The following COL4A4 variants were observed in gnomAD, a reference collection of about 807,000 sequenced individuals.
The protein encoded by COL4A4 is collagen alpha-4(IV) chain.
A neutral mutation model predicts 192.9 loss-of-function variants in COL4A4; 105 were observed. The ratio of observed to expected loss-of-function variants is 0.54; its 90% CI spans 0.46 to 0.64. COL4A4 has a LOEUF of 0.64. COL4A4 is among the 30% of genes least tolerant of loss of function. The probability of loss-of-function intolerance (pLI) is 0.00; values close to 1 mark genes in which losing one functional copy is unlikely to be tolerated. For missense variants in COL4A4, 1,967 were observed against 2,169.3 expected (o/e 0.91, Z 1.85); for synonymous variants, 762 against 769.9 (o/e 0.99, Z 0.17).
At chr2:227,068,765 G>C (rs1464994979) in intron 25 of COL4A4, among the ~76,000 whole-genome samples, 2 of 148,606 alleles carry the variant, frequency 1.3e-5, no homozygotes, top group African/African-American at 5.0e-5. Flanking sequence ...ATATCATACT[G>C]AATGGGCAAA....
the COL4A4 span, among the ~76,000 whole-genome samples, chr2:226,969,298 T>C: frequency 1.3e-5 from 2 of 151,722 alleles, no homozygotes; most frequent in Non-Finnish European, 2.9e-5. Context: ...TAGTTCCTAA[T>C]GGGCTAAAAG....
At chr2:227,144,196 A>G (rs141200187) in intron 3 of COL4A4, among the ~76,000 whole-genome samples, 1 of 152,350 alleles carries the variant, frequency 6.6e-6, no homozygotes, top group African/African-American at 2.4e-5. Context: ...CTTCTGAGCT[A>G]AAATGTTCAA....
At chr2:227,001,609 T>TAA (rs572689570), downstream of COL4A4, among the ~76,000 whole-genome samples, 253 of 152,290 alleles carry the variant, frequency 1.7e-3, 2 homozygotes, top group African/African-American at 5.7e-3. Context: ...GAGTAAAGGA[T>TAA]AAAAGTATTA....
At chr2:227,157,938 G>A (rs1255022296) in intron 1 of COL4A4, among the ~76,000 whole-genome samples, 1 of 151,950 alleles carries the variant, frequency 6.6e-6, no homozygotes, top group Non-Finnish European at 1.5e-5. Flanking sequence ...TACCAAAACT[G>A]ACAAAGATAT....
At chr2:227,077,490 G>C (rs1036620186) in intron 25 of COL4A4, among the ~76,000 whole-genome samples, 4 of 152,076 alleles carry the variant, frequency 2.6e-5, no homozygotes, top group Non-Finnish European at 5.9e-5. Flanking sequence ...ATCGAGACCT[G>C]TCAGGGGGTC....
chr2:227,022,518 T>C, intron 43 of COL4A4: 1 of 555,622 alleles, frequency 1.8e-6, no homozygotes, highest in Non-Finnish European at 3.6e-6. Context: ...TGGGCCATTT[T>C]TTACTGGAGT....
In COL4A4 at chr2:227,057,574, CT is replaced by C; in HGVS notation, c.2409del (p.Gly804ValfsTer65). 1 of 1,614,136 alleles carries C rather than the reference CT, an allele frequency of 6.2e-7. No individual in the cohort carries two copies. ...TCTCTGCCTTTGGGACCTTTGAGAC[CT>C]AGGAATCCAGGAATGCCAGCTGGCC... is the stretch of plus-strand genomic sequence containing the variant. ...AEGPAGIPGF[L>X]GLKGPKGREG... On this transcript the variant is annotated frameshift_variant, in exon 29 of 48. Coordinates refer to ENST00000396625, the MANE Select transcript of COL4A4 (RefSeq NM_000092.5). LOFTEE classifies it high-confidence loss of function.
At chr2:227,148,708 T>C (rs2063714231) in intron 1 of COL4A4, among the ~76,000 whole-genome samples, 1 of 152,110 alleles carries the variant, frequency 6.6e-6, no homozygotes, top group African/African-American at 2.4e-5. Flanking sequence ...AAGAAGTCTT[T>C]ACTTTGATAA....
Position 227,031,957 on chromosome 2 carries a change from C to T in COL4A4, c.3805G>A (p.Asp1269Asn). The change falls in exon 40 of 48, where the codon GAT (aspartate) becomes AAT (asparagine). Residue 1269 changes from aspartate to asparagine, a missense_variant. Asp to Asn is a conservative substitution (Grantham distance 23). Transcript: ENST00000396625. ...PPGDQGPPGP[D>N]GPRGAPGPPG... ...GATTCTCTCATACCTCTTGGGCCAT[C>T]AGGACCAGGAGGTCCCTGATCTCCA... 6.2e-7 allele frequency: 1 copy of T among 1,611,854 alleles called. No individual in the cohort carries two copies. The highest frequency in any genetic ancestry group is 8.5e-7 in the Non-Finnish European group (1 of 1,178,028).
chr2:227,133,070 C>G (rs1341988216), intron 4 of COL4A4, among the ~76,000 whole-genome samples: 1 of 152,176 alleles, frequency 6.6e-6, no homozygotes, highest in Non-Finnish European at 1.5e-5. Flanking sequence ...TATTTCTTGC[C>G]AATAACAAGT....
chr2:227,101,947 A>C, intron 15 of COL4A4, 38 bp from the exon 16 acceptor site: 1 of 1,472,070 alleles, frequency 6.8e-7, no homozygotes, highest in African/African-American at 1.4e-5. Context: ...ACAGAATTAA[A>C]TCAGAATGCA....
the COL4A4 span, among the ~76,000 whole-genome samples, chr2:226,980,314 C>T: frequency 6.6e-6 from 1 of 152,134 alleles, no homozygotes; most frequent in East Asian, 1.9e-4. Flanking sequence ...ACTCTCGTTC[C>T]CCACCAGAGC....
intron 24 of COL4A4, among the ~76,000 whole-genome samples, chr2:227,080,030 C>A (rs2059236179): frequency 6.6e-6 from 1 of 152,194 alleles, no homozygotes; most frequent in South Asian, 2.1e-4. Context: ...CCCTTTCATG[C>A]TCACTACTTC....
intron 32 of COL4A4, among the ~76,000 whole-genome samples, chr2:227,051,433 GAA>G (rs1974079569): frequency 6.6e-6 from 1 of 152,188 alleles, no homozygotes; most frequent in Admixed American, 6.5e-5. Flanking sequence ...CACTTACCCA[GAA>G]AAGTTAAAAT....
At chr2:227,130,414 G>A (rs911988178) in intron 4 of COL4A4, among the ~76,000 whole-genome samples, 9 of 152,158 alleles carry the variant, frequency 5.9e-5, no homozygotes, top group African/African-American at 2.2e-4. Flanking sequence ...CCTAAACAAG[G>A]CTAAGGGCTC....
At chr2:227,090,039 TCA>T in intron 20 of COL4A4, 82 bp from the exon 21 acceptor site, 1 of 1,070,360 alleles carries the variant, frequency 9.3e-7, no homozygotes, top group East Asian at 2.4e-5. Flanking sequence ...ACTTTTGCAC[TCA>T]CATCCTCCCC....
intron 20 of COL4A4, among the ~76,000 whole-genome samples, chr2:227,091,257 TATAG>T (rs1157059636): frequency 7.1e-6 from 1 of 141,274 alleles, no homozygotes; most frequent in African/African-American, 3.0e-5. Flanking sequence ...CAGATATAGA[TATAG>T]ATATAGATAT....
At position 227,082,146 on chromosome 2, in the gene COL4A4, C is replaced by T. The variant is rs137880920; in HGVS notation, c.1665G>A (p.Ala555=). ...CTCTTGATACAACCATGTCACCCTT[C>T]GCCCCTTTGTTGCCAGGTGGTCCAG... ...GASGPPGNKG[A]KGDMVVSRVK... Residue 555 remains alanine, a synonymous_variant, in exon 23 of 48, where the codon GCG becomes GCA. Coordinates refer to ENST00000396625, the MANE Select transcript of COL4A4 (RefSeq NM_000092.5). 4.8e-5 allele frequency: 78 copies of T among 1,614,160 alleles called. No individual in the cohort carries two copies. Among genetic ancestry groups the T allele is most frequent in the Middle Eastern group, 3.3e-4 (2 of 6,062 alleles).
intron 43 of COL4A4, among the ~76,000 whole-genome samples, chr2:227,022,871 C>T (rs897524062): frequency 6.6e-6 from 1 of 152,134 alleles, no homozygotes; most frequent in Non-Finnish European, 1.5e-5. Context: ...AATACTGGGG[C>T]CCCATCTAGA....
Sources: gnomAD v4.1 joint callset for allele counts (sites outside exome capture counted in the v4.1 genomes callset) on GRCh38, gnomAD v4.1.1 for gene constraint, MANE v1.5 for transcripts, NCBI Gene and HGNC (gene_info 2026-07-23, HGNC 2026-07-21) for gene names.